Variants in FGD6 observed in about 807,000 individuals in gnomAD.
FGD6 encodes the protein FYVE, RhoGEF and PH domain containing 6.
A neutral mutation model predicts 149.4 loss-of-function variants in FGD6; 90 were observed. That is an observed-to-expected ratio of 0.60 (90% CI 0.51 to 0.72). The LOEUF (loss-of-function observed/expected upper bound fraction) is 0.72, where lower values mean the gene tolerates loss of function less well. Among genes scored for constraint, FGD6 ranks in the 30% least tolerant of loss-of-function variants. The pLI, the probability that FGD6 is intolerant of heterozygous loss-of-function variation, is 0.00. For missense variants in FGD6, 1,437 were observed against 1,684.8 expected, an observed-to-expected ratio of 0.85 and a Z score of 2.57; for synonymous variants, 527 against 584.0, an observed-to-expected ratio of 0.90 and a Z score of 1.41.
intron 3 of FGD6, among the ~76,000 whole-genome samples, chr12:95,162,818 T>G: frequency 6.6e-6 from 1 of 152,234 alleles, no homozygotes; most frequent in Non-Finnish European, 1.5e-5. Context: ...TCTTCTTTTT[T>G]GTCCCCATAG....
chr12:95,140,320 T>A (rs1879805407), intron 6 of FGD6, among the ~76,000 whole-genome samples: 3 of 152,214 alleles, frequency 2.0e-5, no homozygotes. Flanking sequence ...ATTCTTTTCC[T>A]ATTCTTAAAT....
chr12:95,113,655 A>C lies in FGD6; in HGVS notation c.3129T>G (p.Thr1043=). ...LIEDAGDYRD[T]QDALAVVIEV... ...GCAACCACAGAAGTTATTTACCTTG[A>C]GTGTCTCTGTAATCTCCAGCATCTT... The change falls in exon 9 of 21, where the codon ACT becomes ACG. Residue 1043 remains threonine, a synonymous_variant. Transcript: ENST00000343958. The C allele has an allele frequency of 6.3e-7, 1 of 1,593,572 alleles. No individual in the cohort carries two copies. The highest frequency in any genetic ancestry group is 8.5e-7 in the Non-Finnish European group (1 of 1,172,004).
chr12:95,211,631 C>T (rs1159823204), intron 1 of FGD6, among the ~76,000 whole-genome samples: 1 of 151,668 alleles, frequency 6.6e-6, no homozygotes, highest in East Asian at 1.9e-4. Flanking sequence ...CCTCTGCTTC[C>T]AGGGTTCAAG....
At chr12:95,108,254 C>T (rs1370538142) in intron 11 of FGD6, 94 bp downstream of exon 11, 30 of 1,143,814 alleles carry the variant, frequency 2.6e-5, no homozygotes, top group Non-Finnish European at 3.6e-5. Context: ...TGAAGAGTAA[C>T]AAAAACAACC....
At chr12:95,116,764 C>G (rs989152191) in intron 8 of FGD6, 9 of 452,732 alleles carry the variant, frequency 2.0e-5, no homozygotes, top group Admixed American at 1.7e-4. Flanking sequence ...ATCCATCCAT[C>G]CATCAACCCA....
intron 2 of FGD6, among the ~76,000 whole-genome samples, chr12:95,197,143 A>G (rs1294072816): frequency 6.6e-6 from 1 of 151,788 alleles, no homozygotes; most frequent in Non-Finnish European, 1.5e-5. Flanking sequence ...CTCTCTCACA[A>G]TTCAATATGC....
Position 95,209,867 on chromosome 12 carries a change from G to A in FGD6, c.1417C>T (p.Leu473=). 1 of 1,612,718 alleles carries A rather than the reference G, an allele frequency of 6.2e-7. No homozygotes were observed. Among genetic ancestry groups the A allele is most frequent in the Non-Finnish European group, 8.5e-7 (1 of 1,179,746 alleles). Residue 473 remains leucine, a synonymous_variant, in exon 2 of 21, where the codon CTG becomes TTG. Coordinates refer to ENST00000343958, the MANE Select transcript of FGD6 (RefSeq NM_018351.4). ...TGCATTTGAGGGGCAGAAACTCCCA[G>A]GTTTCTCCCAGATTGCAAATGTTCA... ...CNEHLQSGRN[L]GVSAPQMQKE... is the part of the protein sequence containing the mutation.
chr12:95,196,388 G>A (rs761173223), intron 2 of FGD6, among the ~76,000 whole-genome samples: 20 of 151,950 alleles, frequency 1.3e-4, no homozygotes, highest in Non-Finnish European at 1.6e-4. Flanking sequence ...TGGAGGCCAC[G>A]CCCAGCTAAT....
chr12:95,149,228 ATATATAT>A (rs1443653426), intron 5 of FGD6, among the ~76,000 whole-genome samples: 1 of 20,774 alleles, frequency 4.8e-5, no homozygotes, highest in Admixed American at 1.1e-3. Flanking sequence ...AATATATAGC[ATATATAT>A]TATATAATAT....
chr12:95,172,678 T>TTCC lies in FGD6; in HGVS notation c.2505_2507dup (p.Glu836dup). ...CATCTTCATCAGAACTGTTGATGAT[T>TTCC]TCCTCCTCATCAGAGGGAAGGTCAC... is the stretch of plus-strand genomic sequence containing the variant. On this transcript the variant is annotated inframe_insertion, in exon 3 of 21. Coordinates refer to ENST00000343958, the MANE Select transcript of FGD6 (RefSeq NM_018351.4). The TTCC allele has an allele frequency of 6.2e-7, 1 of 1,612,832 alleles. No individual in the cohort carries two copies. The highest frequency in any genetic ancestry group is 8.5e-7 in the Non-Finnish European group (1 of 1,179,166).
intron 8 of FGD6, among the ~76,000 whole-genome samples, chr12:95,128,478 C>T (rs923784241): frequency 1.3e-5 from 2 of 152,096 alleles, no homozygotes; most frequent in African/African-American, 2.4e-5. Context: ...TGGGCTCAAG[C>T]GATCCTCCCA....
chr12:95,173,554 T>C (rs1202118240), intron 2 of FGD6, among the ~76,000 whole-genome samples: 1 of 152,138 alleles, frequency 6.6e-6, no homozygotes, highest in Non-Finnish European at 1.5e-5. Context: ...CTCATGAATC[T>C]AAAAGCCACT....
At chr12:95,131,300 G>C (rs1879513913) in intron 8 of FGD6, among the ~76,000 whole-genome samples, 1 of 151,868 alleles carries the variant, frequency 6.6e-6, no homozygotes, top group Non-Finnish European at 1.5e-5. Flanking sequence ...GTAGAGATGG[G>C]GTTTCTCCAT....
At chr12:95,149,450 C>A (rs1345407022) in intron 5 of FGD6, among the ~76,000 whole-genome samples, 1 of 124,030 alleles carries the variant, frequency 8.1e-6, no homozygotes, top group African/African-American at 3.1e-5. Context: ...ATATATAATA[C>A]ATAGTATATT....
chr12:95,134,132 G>C (rs1879599310), intron 8 of FGD6, among the ~76,000 whole-genome samples: 1 of 152,064 alleles, frequency 6.6e-6, no homozygotes. Flanking sequence ...TATAATTAAA[G>C]CATTATTCCT....
chr12:95,144,745 T>C (rs1879956832), intron 5 of FGD6, among the ~76,000 whole-genome samples: 1 of 151,824 alleles, frequency 6.6e-6, no homozygotes, highest in South Asian at 2.1e-4. Flanking sequence ...TGGAGTGCAG[T>C]GGTGCAATCT....
At chr12:95,172,291 G>A (rs1881016262) in intron 3 of FGD6, among the ~76,000 whole-genome samples, 1 of 152,144 alleles carries the variant, frequency 6.6e-6, no homozygotes, top group Non-Finnish European at 1.5e-5. Flanking sequence ...CAGGAGGATG[G>A]CTTGAACCCG....
intron 2 of FGD6, among the ~76,000 whole-genome samples, chr12:95,206,563 C>T (rs2056693754): frequency 6.6e-6 from 1 of 151,682 alleles, no homozygotes; most frequent in South Asian, 2.1e-4. Context: ...GGTGGTATGC[C>T]CCTGTGGTCC....
At chr12:95,186,228 C>CTTTTTTTTTT (rs1174763781) in intron 2 of FGD6, among the ~76,000 whole-genome samples, 8 of 38,938 alleles carry the variant, frequency 2.1e-4, no homozygotes, top group East Asian at 7.0e-4. Context: ...TATTCTTCTT[C>CTTTTTTTTTT]TTTTTTTTTT....
Sources: allele counts gnomAD v4.1 joint callset (sites outside exome capture counted in the v4.1 genomes callset), GRCh38; gene constraint gnomAD v4.1.1; transcripts MANE v1.5; gene names NCBI Gene and HGNC (gene_info 2026-07-23, HGNC 2026-07-21).